KIFC3: variants seen among roughly 807,000 people sequenced by gnomAD.
KIFC3 encodes kinesin family member C3.
In KIFC3, 60 loss-of-function variants were observed where a neutral mutation model predicts 101.8. The ratio of observed to expected loss-of-function variants is 0.59; its 90% CI spans 0.48 to 0.73. The LOEUF (loss-of-function observed/expected upper bound fraction) is 0.73, where lower values mean the gene tolerates loss of function less well. Among genes scored for constraint, KIFC3 ranks in the 30% least tolerant of loss-of-function variants. KIFC3 has a pLI of 0.00. For missense variants in KIFC3, 966 were observed against 1,137.1 expected (o/e 0.85, Z 2.16); for synonymous variants, 476 against 482.7 (o/e 0.99, Z 0.18).
chr16:57,763,638 G>A (rs996040947), intron 12 of KIFC3, among the ~76,000 whole-genome samples: 1 of 152,252 alleles, frequency 6.6e-6, no homozygotes, highest in East Asian at 1.9e-4. Flanking sequence ...TGCCGGTGAC[G>A]AGCAGGGAGA....
chr16:57,761,909 TC>T (rs1459190152), intron 13 of KIFC3, among the ~76,000 whole-genome samples: 1 of 151,730 alleles, frequency 6.6e-6, no homozygotes, highest in Non-Finnish European at 1.5e-5. Flanking sequence ...CCTCATCTGG[TC>T]CCTACACTCC....
intron 1 of KIFC3, among the ~76,000 whole-genome samples, chr16:57,800,972 C>T (rs2054686668): frequency 1.3e-5 from 2 of 152,312 alleles, no homozygotes; most frequent in Non-Finnish European, 2.9e-5. Flanking sequence ...TACTTTGCCT[C>T]TCCGTACTTC....
At chr16:57,832,350 T>A (rs989458605) in intron 1 of KIFC3, among the ~76,000 whole-genome samples, 4 of 135,594 alleles carry the variant, frequency 2.9e-5, no homozygotes, top group African/African-American at 1.2e-4. Context: ...TTTTTTTTTT[T>A]AGACAAAGTC....
At chr16:57,825,237 C>T (rs574725303) in intron 1 of KIFC3, among the ~76,000 whole-genome samples, 1 of 152,328 alleles carries the variant, frequency 6.6e-6, no homozygotes, top group South Asian at 2.1e-4. Flanking sequence ...AGGAGAGGCA[C>T]CACCATCAGT....
intron 1 of KIFC3, among the ~76,000 whole-genome samples, chr16:57,822,427 C>T (rs1353535066): frequency 1.3e-5 from 2 of 152,180 alleles, no homozygotes; most frequent in East Asian, 1.9e-4. Flanking sequence ...TGTGGCTGGG[C>T]GCGGTGGCTC....
upstream of KIFC3, chr16:57,802,660 C>T: frequency 9.8e-7 from 1 of 1,015,752 alleles, no homozygotes; most frequent in Non-Finnish European, 1.3e-6. The surrounding 1 kb of genome is among the most constrained non-coding windows in gnomAD (Gnocchi z 5.0). Flanking sequence ...ACTCCCACTC[C>T]CACTCCCACT....
At chr16:57,761,982 C>T (rs976347757) in intron 13 of KIFC3, among the ~76,000 whole-genome samples, 158 bp downstream of exon 13, 16 of 152,150 alleles carry the variant, frequency 1.1e-4, no homozygotes, top group African/African-American at 3.9e-4. Flanking sequence ...ACTTCCTATC[C>T]CCCATTGCTC....
chr16:57,838,530 C>G (rs960255465), intron 1 of KIFC3, among the ~76,000 whole-genome samples: 1 of 152,114 alleles, frequency 6.6e-6, no homozygotes, highest in African/African-American at 2.4e-5. Flanking sequence ...AGACGGTGTT[C>G]GGAAAGCACA....
chr16:57,850,171 G>A (rs1008594793), intron 1 of KIFC3, among the ~76,000 whole-genome samples: 7 of 151,826 alleles, frequency 4.6e-5, no homozygotes, highest in South Asian at 2.1e-4. Context: ...AGACTGAGGC[G>A]GGAGAATTGC....
chr16:57,798,539 C>T (rs2054521579), intron 1 of KIFC3: 1 of 549,760 alleles, frequency 1.8e-6, no homozygotes, highest in Non-Finnish European at 3.2e-6. Context: ...CCTGAGACCC[C>T]ACACCTGAGC....
intron 1 of KIFC3, among the ~76,000 whole-genome samples, chr16:57,845,768 C>T (rs765486965): frequency 2.0e-5 from 3 of 152,164 alleles, no homozygotes; most frequent in East Asian, 1.9e-4. Flanking sequence ...TTTTAGTCTT[C>T]GCACTTAACA....
chr16:57,780,062 C>G (rs181171111), intron 3 of KIFC3: 1 of 152,146 alleles, frequency 6.6e-6, no homozygotes, highest in African/African-American at 2.4e-5. Context: ...GGAAACCACC[C>G]CATGATCCGT....
chr16:57,842,155 G>C (rs538410713), intron 1 of KIFC3, among the ~76,000 whole-genome samples: 1 of 151,766 alleles, frequency 6.6e-6, no homozygotes, highest in African/African-American at 2.4e-5. Context: ...AGCTGAGATC[G>C]TGCCACTGCA....
rs1568088586 is a variant in KIFC3 at position 57,823,805 on chromosome 16, T to TGTGTGTGTGTG, written c.109-25524_109-25523insCACACACACAC. 1.7e-4 allele frequency among the ~76,000 whole-genome samples: 11 copies of TGTGTGTGTGTG among 64,604 alleles called. No homozygotes were observed. In the East Asian group the frequency reaches 2.5e-3, roughly 15 times the overall value. The allele number at this position is 64,604 out of a possible 152,430, so 42.4% of individuals were successfully genotyped here. On this transcript the variant is annotated intron_variant, in intron 1 of 2. Transcript: ENST00000563028. ...TGTGTGTGTGTGTGTGTGTGTGTGT[T>TGTGTGTGTGTG]TTTAGTAGAGATGGTGTTTCACCAC...
At chr16:57,807,947 A>C (rs1016972411), upstream of KIFC3, 1 of 143,512 alleles carries the variant, frequency 7.0e-6, no homozygotes, top group African/African-American at 3.0e-5. Context: ...AAAAAAAAAA[A>C]AAAAAAAAAA....
chr16:57,768,536 C>CACACACACACAT (rs1555604749), intron 9 of KIFC3, among the ~76,000 whole-genome samples: 1 of 151,786 alleles, frequency 6.6e-6, no homozygotes, highest in South Asian at 2.1e-4. Context: ...CACACACACA[C>CACACACACACAT]GCACAATTGG....
chr16:57,785,816 A>T (rs2053263113), intron 3 of KIFC3: 3 of 297,564 alleles, frequency 1.0e-5, no homozygotes, highest in Non-Finnish European at 1.9e-5. Context: ...CGGCAGCGGC[A>T]TAGGTTAGCT....
At chr16:57,790,793 A>T in intron 3 of KIFC3, 1 of 447,874 alleles carries the variant, frequency 2.2e-6, no homozygotes, top group Non-Finnish European at 3.0e-6. Context: ...ACATTTTTTT[A>T]CTTTGACAAT....
At chr16:57,857,683 G>A (rs1159240203) in intron 1 of KIFC3, among the ~76,000 whole-genome samples, 13 of 151,364 alleles carry the variant, frequency 8.6e-5, no homozygotes, top group Non-Finnish European at 1.9e-4. Flanking sequence ...TGCTGAGAAT[G>A]ATGGTTTCCA....
Sources: allele counts gnomAD v4.1 joint callset (sites outside exome capture counted in the v4.1 genomes callset), GRCh38; gene constraint gnomAD v4.1.1; non-coding constraint Gnocchi (gnomAD v3.1); transcripts MANE v1.5; gene names NCBI Gene and HGNC (gene_info 2026-07-23, HGNC 2026-07-21).